CSMD1: variants seen among roughly 807,000 people sequenced by gnomAD.
CSMD1 encodes CUB and Sushi multiple domains 1, also known as CUB and sushi domain-containing protein 1.
A neutral mutation model predicts 417.5 loss-of-function variants in CSMD1; 213 were observed. The observed-to-expected ratio is 0.51, with a 90% CI of 0.46 to 0.57. CSMD1 has a LOEUF of 0.57. CSMD1 is among the 20% of genes least tolerant of loss of function. The probability of loss-of-function intolerance (pLI) is 0.00; values close to 1 mark genes in which losing one functional copy is unlikely to be tolerated. For missense variants in CSMD1, 6,923 were observed against 4,529.7 expected, an observed-to-expected ratio of 1.53 and a Z score of -15.17; for synonymous variants, 2,862 against 1,736.8, an observed-to-expected ratio of 1.65 and a Z score of -16.11.
chr8:3,438,959 T>C (rs1457317114), intron 12 of CSMD1, among the ~76,000 whole-genome samples: 3 of 150,176 alleles, frequency 2.0e-5, no homozygotes, highest in African/African-American at 7.4e-5. Flanking sequence ...CTACTAAAAA[T>C]ACAAAATTAG....
chr8:4,234,131 A>C (rs1801906452), intron 3 of CSMD1, among the ~76,000 whole-genome samples: 3 of 152,192 alleles, frequency 2.0e-5, no homozygotes, highest in Non-Finnish European at 1.5e-5. Context: ...AATGAAATGG[A>C]AGATTATTCT....
chr8:4,249,026 C>T (rs1041731220), intron 3 of CSMD1, among the ~76,000 whole-genome samples: 2 of 152,088 alleles, frequency 1.3e-5, no homozygotes, highest in Non-Finnish European at 2.9e-5. Context: ...TACAACAGTG[C>T]CTGGCATATG....
At chr8:4,988,173 T>C (rs1284177535) in intron 1 of CSMD1, among the ~76,000 whole-genome samples, 1 of 152,258 alleles carries the variant, frequency 6.6e-6, no homozygotes, top group Non-Finnish European at 1.5e-5. Flanking sequence ...ATGTCTATTA[T>C]AATGATAGCT....
At chr8:4,659,167 G>C (rs949163504) in intron 1 of CSMD1, among the ~76,000 whole-genome samples, 10 of 152,016 alleles carry the variant, frequency 6.6e-5, no homozygotes, top group African/African-American at 1.4e-4. Context: ...AAGTTTCCTG[G>C]AGACAAATGA....
chr8:4,788,667 G>A (rs1440277014), intron 1 of CSMD1: 4 of 601,966 alleles, frequency 6.6e-6, no homozygotes, highest in Non-Finnish European at 1.2e-5. Context: ...AATATGAAAA[G>A]GTAATTATAA....
chr8:4,459,326 A>G (rs1585112672), intron 2 of CSMD1, among the ~76,000 whole-genome samples: 1 of 152,182 alleles, frequency 6.6e-6, no homozygotes, highest in Admixed American at 6.5e-5. Flanking sequence ...TGCCACCAGG[A>G]GCAAACCAAG....
At chr8:4,024,380 C>G (rs928963026) in intron 4 of CSMD1, among the ~76,000 whole-genome samples, 1 of 152,092 alleles carries the variant, frequency 6.6e-6, no homozygotes, top group Non-Finnish European at 1.5e-5. Context: ...AGTATGGATA[C>G]GCTGATGGAA....
At chr8:4,376,356 T>G (rs1319926894) in intron 3 of CSMD1, among the ~76,000 whole-genome samples, 1 of 152,198 alleles carries the variant, frequency 6.6e-6, no homozygotes, top group Non-Finnish European at 1.5e-5. Context: ...ATCTCAACTC[T>G]TAGAAATACT....
intron 1 of CSMD1, among the ~76,000 whole-genome samples, chr8:4,934,022 G>C (rs1807435174): frequency 6.6e-6 from 1 of 151,850 alleles, no homozygotes. Flanking sequence ...AAAAATGAAG[G>C]TTTTGATGAT....
At chr8:3,509,812 C>A (rs1367551682) in intron 10 of CSMD1, among the ~76,000 whole-genome samples, 1 of 152,150 alleles carries the variant, frequency 6.6e-6, no homozygotes, top group East Asian at 1.9e-4. Flanking sequence ...GTCAGCCCAC[C>A]AGCCAGGTGT....
At chr8:4,731,805 G>A (rs910751730) in intron 1 of CSMD1, among the ~76,000 whole-genome samples, 1 of 152,046 alleles carries the variant, frequency 6.6e-6, no homozygotes, top group Non-Finnish European at 1.5e-5. Context: ...TTAGGGTTGG[G>A]CGAACAACTC....
chr8:3,599,489 C>T (rs943851096), intron 8 of CSMD1, among the ~76,000 whole-genome samples: 2 of 152,058 alleles, frequency 1.3e-5, no homozygotes, highest in African/African-American at 2.4e-5. Context: ...GTAACCCCAA[C>T]GCAGAGTTAG....
At chr8:4,033,909 T>C (rs28417797) in intron 3 of CSMD1, among the ~76,000 whole-genome samples, 50,418 of 152,070 alleles carry the variant, frequency 0.33, 9,348 homozygotes, top group African/African-American at 0.5. Flanking sequence ...GGCTATTGTA[T>C]CCATATCTAA....
chr8:4,065,454 G>A (rs78268244), intron 3 of CSMD1, among the ~76,000 whole-genome samples: 3 of 152,170 alleles, frequency 2.0e-5, no homozygotes, highest in African/African-American at 7.2e-5. Flanking sequence ...AGGAAATTTG[G>A]CTTTTCTTTT....
At chr8:3,683,625 A>G (rs914014650) in intron 7 of CSMD1, among the ~76,000 whole-genome samples, 2 of 152,166 alleles carry the variant, frequency 1.3e-5, no homozygotes, top group Non-Finnish European at 2.9e-5. Context: ...TCCGCTGAAA[A>G]CATGTGCATA....
At position 3,676,641 on chromosome 8, in the gene CSMD1, G is replaced by A. The variant is rs180938507; in HGVS notation, c.1009+31773C>T. 9.6e-4 allele frequency among the ~76,000 whole-genome samples: 146 copies of A among 152,212 alleles called. 1 individual carries two copies. Among genetic ancestry groups the A allele is most frequent in the African/African-American group, 3.1e-3 (127 of 41,532 alleles). On this transcript the variant is annotated intron_variant, in intron 7 of 69. Coordinates refer to ENST00000635120, the MANE Select transcript of CSMD1 (RefSeq NM_033225.6). ...GTGAGCTTGTGTGTTGTGGGACCAC[G>A]CACACACATGTGGGTAGAGTATATG... is the stretch of plus-strand genomic sequence containing the variant.
intron 12 of CSMD1, among the ~76,000 whole-genome samples, chr8:3,455,216 A>AT (rs997549032): frequency 3.3e-5 from 5 of 151,936 alleles, no homozygotes; most frequent in South Asian, 2.1e-4. Context: ...CAGTCGTCTA[A>AT]TTTTTTTTCA....
intron 3 of CSMD1, among the ~76,000 whole-genome samples, chr8:4,186,259 G>C (rs548865226): frequency 2.9e-4 from 44 of 152,210 alleles, no homozygotes; most frequent in African/African-American, 1.0e-3. Flanking sequence ...CAGCAGAGGG[G>C]AAAGTGTAAA....
rs368821897 is a variant in CSMD1, at chr8:3,408,012, G to A, written c.1958C>T (p.Thr653Ile). The change falls in exon 14 of 70, where the codon ACT becomes ATT. Residue 653 changes from threonine to isoleucine, a missense_variant. Physicochemically the swap from Thr to Ile is moderately conservative, Grantham distance 89. Transcript: ENST00000635120. The part of the protein sequence containing the change: ...DGISDITVLG[T>I]FSGNEVPSQL... ...GGAAGGCACTTCATTGCCAGAAAAA[G>A]TACCCAGGACAGTTATGTCAGAAAT... 5.6e-6 allele frequency: 9 copies of A among 1,613,812 alleles called. No individual in the cohort carries two copies. The highest frequency in any genetic ancestry group is 7.6e-6 in the Non-Finnish European group (9 of 1,179,898).
Sources: allele counts gnomAD v4.1 joint callset (sites outside exome capture counted in the v4.1 genomes callset), GRCh38; gene constraint gnomAD v4.1.1; transcripts MANE v1.5; gene names NCBI Gene and HGNC (gene_info 2026-07-23, HGNC 2026-07-21).